The following ANKRD54 variants were observed in gnomAD, a reference collection of about 807,000 sequenced individuals.
The protein encoded by ANKRD54 is ankyrin repeat domain 54.
In ANKRD54, 26 loss-of-function variants were observed where a neutral mutation model predicts 36.2. The observed-to-expected ratio is 0.72, with a 90% confidence interval of 0.53 to 1.00. The LOEUF (loss-of-function observed/expected upper bound fraction) is 1.00. Among genes scored for constraint, ANKRD54 ranks in the 50% least tolerant of loss-of-function variants. The probability of loss-of-function intolerance (pLI) is 0.00; values close to 1 mark genes in which losing one functional copy is unlikely to be tolerated. For missense variants in ANKRD54, 384 were observed against 424.3 expected, an observed-to-expected ratio of 0.91 and a Z score of 0.83; for synonymous variants, 209 against 188.4, an observed-to-expected ratio of 1.11 and a Z score of -0.89.
intron 6 of ANKRD54, 34 bp from the exon 7 acceptor site, chr22:37,832,778 T>G (rs762819814): frequency 6.2e-7 from 1 of 1,610,876 alleles, no homozygotes; most frequent in South Asian, 1.1e-5. Flanking sequence ...CTGCCTGGGT[T>G]CCTAGGGAGG....
chr22:37,839,360 C>T (rs1453302708), intron 2 of ANKRD54, among the ~76,000 whole-genome samples: 4 of 152,112 alleles, frequency 2.6e-5, no homozygotes, highest in African/African-American at 9.7e-5. Context: ...TCTCTAATTT[C>T]CACAACATTT....
chr22:37,835,492 A>G (rs1452591987), intron 3 of ANKRD54, among the ~76,000 whole-genome samples: 1 of 152,232 alleles, frequency 6.6e-6, no homozygotes, highest in African/African-American at 2.4e-5. Context: ...TAACCAGAAT[A>G]TACAAAGAAT....
chr22:37,842,339 C>G, intron 1 of ANKRD54, among the ~76,000 whole-genome samples: 1 of 152,212 alleles, frequency 6.6e-6, no homozygotes, highest in East Asian at 1.9e-4. Flanking sequence ...CATCCTCCTG[C>G]AAATCCTCCA....
upstream of ANKRD54, among the ~76,000 whole-genome samples, chr22:37,845,252 C>T (rs2145996150): frequency 6.6e-6 from 1 of 152,328 alleles, no homozygotes; most frequent in South Asian, 2.1e-4. Context: ...CAGCCAGTCA[C>T]TGAGCCAGGT....
intron 4 of ANKRD54, 63 bp from the exon 5 acceptor site, chr22:37,833,269 C>A: frequency 6.3e-7 from 1 of 1,590,428 alleles, no homozygotes. Context: ...TGCGTGGCCA[C>A]TGGAGGGAGC....
At chr22:37,837,014 C>T (rs1923634360) in intron 3 of ANKRD54, among the ~76,000 whole-genome samples, 1 of 136,624 alleles carries the variant, frequency 7.3e-6, no homozygotes. Flanking sequence ...GGGCGACAGG[C>T]AAGACTCCGT....
intron 3 of ANKRD54, 47 bp from the exon 4 acceptor site, chr22:37,833,802 C>T (rs1018083541): frequency 6.3e-7 from 1 of 1,589,236 alleles, no homozygotes; most frequent in South Asian, 1.1e-5. Flanking sequence ...CTTCCATTGC[C>T]TGCACCCTGA....
rs537182803 is a variant in ANKRD54 at position 37,833,724 on chromosome 22, A to T, written c.507T>A (p.Pro169=). Residue 169 remains proline, a synonymous_variant, in exon 4 of 8, where the codon CCT becomes CCA. Coordinates refer to ENST00000215941, the MANE Select transcript of ANKRD54 (RefSeq NM_138797.4). ...TGTTCCCCAGCCCATCTCGCTGGTTAGGATCAGCACCATGGTCCAGGAGCA... is the reference window on the plus strand; with the variant it reads ...TGTTCCCCAGCCCATCTCGCTGGTTTGGATCAGCACCATGGTCCAGGAGCA... ...VQLLLDHGAD[P]NQRDGLGNTP... The T allele has an allele frequency of 6.2e-7, 1 of 1,614,168 alleles. No homozygotes were observed. Among genetic ancestry groups the T allele is most frequent in the South Asian group, 1.1e-5 (1 of 91,090 alleles).
intron 1 of ANKRD54, among the ~76,000 whole-genome samples, chr22:37,841,399 G>A (rs764335797): frequency 5.3e-5 from 8 of 152,038 alleles, no homozygotes; most frequent in African/African-American, 1.4e-4. Context: ...GGGGGTGCAC[G>A]CCTACAATCC....
In ANKRD54 at chr22:37,831,665, G is replaced by C. The variant is rs866446919; in HGVS notation, c.*278C>G. On this transcript the variant is annotated 3_prime_UTR_variant, in exon 8 of 8. Transcript: ENST00000215941. ...GTCTGCTGAGATAGCGCAGGTCTGC[G>C]GAGCTGAAGTGCAGCTGCAGAGGCT... 1 of 500,942 alleles carries C rather than the reference G, an allele frequency of 2.0e-6. No individual in the cohort carries two copies. Among genetic ancestry groups the C allele is most frequent in the Non-Finnish European group, 3.6e-6 (1 of 276,370 alleles). The allele number at this position is 500,942 out of a possible 1,614,324, so 31.0% of individuals were successfully genotyped here.
chr22:37,843,869 G>C, intron 1 of ANKRD54, 42 bp downstream of exon 1: 3 of 1,188,756 alleles, frequency 2.5e-6, no homozygotes, highest in African/African-American at 1.6e-5. Flanking sequence ...CCCTCGCCCG[G>C]GCTGCCCCGC....
At chr22:37,839,945 T>A (rs1403997091) in intron 2 of ANKRD54, among the ~76,000 whole-genome samples, 2 of 152,066 alleles carry the variant, frequency 1.3e-5, no homozygotes, top group Non-Finnish European at 2.9e-5. Flanking sequence ...CATCAAGGAG[T>A]CCACAGGGTG....
chr22:37,837,412 C>T (rs1923688838), intron 3 of ANKRD54, among the ~76,000 whole-genome samples: 1 of 152,144 alleles, frequency 6.6e-6, no homozygotes, highest in Non-Finnish European at 1.5e-5. Context: ...AAATGTCCGT[C>T]AATAGTAGAA....
chr22:37,849,273 T>C (rs750071637), upstream of ANKRD54: 11 of 767,406 alleles, frequency 1.4e-5, no homozygotes, highest in Admixed American at 1.7e-4. Context: ...GTTACAGGTG[T>C]GAGCCACGGA....
At chr22:37,841,884 TAAATAAA>T (rs1924313080) in intron 1 of ANKRD54, among the ~76,000 whole-genome samples, 1 of 18,966 alleles carries the variant, frequency 5.3e-5, no homozygotes, top group African/African-American at 4.4e-4. Context: ...AATAAATAAA[TAAATAAA>T]TAAATAAAAT....
intron 1 of ANKRD54, 78 bp downstream of exon 1, chr22:37,843,833 C>T (rs1248680589): frequency 4.7e-6 from 5 of 1,071,056 alleles, no homozygotes; most frequent in Non-Finnish European, 5.8e-6. Context: ...GACCAAAGCG[C>T]GGCCACTGGT....
chr22:37,844,432 G>C, upstream of ANKRD54: 1 of 550,828 alleles, frequency 1.8e-6, no homozygotes, highest in Non-Finnish European at 3.1e-6. Flanking sequence ...AGCTTAAACC[G>C]GTCCCAAAAC....
upstream of ANKRD54, chr22:37,844,372 G>A (rs948856293): frequency 1.1e-5 from 11 of 1,017,998 alleles, 1 homozygote; most frequent in Admixed American, 1.5e-4. Flanking sequence ...GCAACCGAGC[G>A]GGGGCGGGCT....
chr22:37,833,677 T>A lies in ANKRD54; in HGVS notation c.547+7A>T. ...TGAGTTGTCTTAGTGACTTCTGACA[T>A]GCTTACCCAGGTGCAGTGGCGTGTT... On this transcript the variant is annotated splice_region_variant and intron_variant, in intron 4 of 7. Transcript: ENST00000215941. 1 of 1,613,878 alleles carries A rather than the reference T, an allele frequency of 6.2e-7. No individual in the cohort carries two copies. The highest frequency in any genetic ancestry group is 8.5e-7 in the Non-Finnish European group (1 of 1,179,796).
Sources: allele counts gnomAD v4.1 joint callset (sites outside exome capture counted in the v4.1 genomes callset), GRCh38; gene constraint gnomAD v4.1.1; transcripts MANE v1.5; gene names NCBI Gene and HGNC (gene_info 2026-07-23, HGNC 2026-07-21).